SPON2: variants seen among roughly 807,000 people sequenced by gnomAD.
SPON2 encodes spondin-2.
Under a neutral mutation model 29.9 loss-of-function variants are expected in SPON2, and 32 were observed. The observed-to-expected ratio is 1.07, with a 90% confidence interval of 0.81 to 1.44. The LOEUF is 1.44. SPON2 is among the 40% of genes most tolerant of loss of function. SPON2 has a pLI of 0.00. For synonymous variants in SPON2, 248 were observed against 209.1 expected, an observed-to-expected ratio of 1.19 and a Z score of -1.61; for missense variants, 541 against 455.5, an observed-to-expected ratio of 1.19 and a Z score of -1.71.
At chr4:1,170,363 G>C in intron 5 of SPON2, 39 bp downstream of exon 5, 1 of 1,592,026 alleles carries the variant, frequency 6.3e-7, no homozygotes, top group Non-Finnish European at 8.5e-7. Context: ...GCAGGGTTCG[G>C]GGCTGCTGTG....
chr4:1,205,599 C>G (rs1728321731), intron 1 of SPON2, among the ~76,000 whole-genome samples: 1 of 152,222 alleles, frequency 6.6e-6, no homozygotes, highest in Non-Finnish European at 1.5e-5. Context: ...TCCCTGCCAG[C>G]CCAAGCATCC....
At chr4:1,170,263 ATCT>A (rs776891027) in intron 5 of SPON2, 136 bp downstream of exon 5, 49 of 807,126 alleles carry the variant, frequency 6.1e-5, no homozygotes, top group Non-Finnish European at 9.2e-5. Flanking sequence ...AGAATCCTAA[ATCT>A]TCTAGGCACC....
chr4:1,185,790 T>C (rs1727782039), intron 1 of SPON2, among the ~76,000 whole-genome samples: 1 of 150,932 alleles, frequency 6.6e-6, no homozygotes, highest in African/African-American at 2.4e-5. Flanking sequence ...GACCTAAATG[T>C]AATACCTAAA....
chr4:1,204,880 CCTTTT>C (rs1420329157), intron 1 of SPON2: 1 of 152,224 alleles, frequency 6.6e-6, no homozygotes, highest in African/African-American at 2.4e-5. Context: ...GGGAATGGTC[CCTTTT>C]CTTTCTTCAT....
chr4:1,168,769 G>A (rs1018135328), intron 5 of SPON2, among the ~76,000 whole-genome samples: 14 of 152,218 alleles, frequency 9.2e-5, no homozygotes, highest in Non-Finnish European at 1.5e-4. Flanking sequence ...CCCACCACAA[G>A]CCTCTCCAAT....
intron 1 of SPON2, chr4:1,205,160 C>G (rs1045123401): frequency 1.3e-5 from 2 of 152,514 alleles, no homozygotes; most frequent in African/African-American, 4.8e-5. Context: ...GCCCTCGCCA[C>G]GCCCTCCCCG....
exon 1 of SPON2, chr4:1,207,917 G>A (rs1013321728): frequency 1.3e-5 from 2 of 152,800 alleles, no homozygotes; most frequent in Non-Finnish European, 1.5e-5. Flanking sequence ...GAACACCCAC[G>A]CCCTGGCCGG....
chr4:1,171,525 A>G (rs1727449795), intron 2 of SPON2, 39 bp from the exon 3 acceptor site: 1 of 1,590,792 alleles, frequency 6.3e-7, no homozygotes, highest in African/African-American at 1.3e-5. Flanking sequence ...CCATGGTCAG[A>G]CACTGCGGTC....
intron 1 of SPON2, among the ~76,000 whole-genome samples, chr4:1,188,265 T>G (rs1727843462): frequency 7.2e-6 from 1 of 139,302 alleles, no homozygotes; most frequent in Non-Finnish European, 1.6e-5. Context: ...CTAGGAAATA[T>G]CTATTTAACA....
upstream of SPON2, chr4:1,172,691 C>G (rs1224061674): frequency 6.6e-6 from 1 of 152,368 alleles, no homozygotes; most frequent in Non-Finnish European, 1.5e-5. Context: ...TGGCCTCCAG[C>G]GAGAGGCAGA....
intron 1 of SPON2, among the ~76,000 whole-genome samples, chr4:1,187,678 A>G (rs1398242912): frequency 6.6e-6 from 1 of 152,172 alleles, no homozygotes; most frequent in Non-Finnish European, 1.5e-5. Context: ...TGTCAATGGT[A>G]TACAAAAACT....
intron 1 of SPON2, among the ~76,000 whole-genome samples, chr4:1,186,458 C>T (rs565882093): frequency 6.6e-5 from 10 of 152,150 alleles, no homozygotes; most frequent in Non-Finnish European, 8.8e-5. Flanking sequence ...CGCATGCTGC[C>T]GTGCCCGGCT....
chr4:1,188,228 A>AAATG (rs1405253161), intron 1 of SPON2, among the ~76,000 whole-genome samples: 1 of 149,884 alleles, frequency 6.7e-6, no homozygotes, highest in Non-Finnish European at 1.5e-5. Flanking sequence ...AAAAAAAAAG[A>AAATG]AATGACAAAT....
intron 1 of SPON2, among the ~76,000 whole-genome samples, chr4:1,187,215 C>G (rs199870205): frequency 1.3e-5 from 2 of 152,168 alleles, no homozygotes; most frequent in Non-Finnish European, 2.9e-5. Context: ...AGGACATATG[C>G]TATAATATGG....
Position 1,168,166 on chromosome 4 carries a change from A to C in SPON2, c.812-510T>G, listed in dbSNP as rs182236417. On this transcript the variant is annotated intron_variant, in intron 5 of 5. Transcript: ENST00000290902. ...TGGTTCCATAATTTTCATAAATTTA[A>C]AAATCATCATTTGGTGTTATGGTTA... 2.6e-5 allele frequency: 4 copies of C among 154,106 alleles called. No homozygotes were observed. The East Asian group carries it at 7.7e-4, about 29-fold the overall frequency. 9.5% of individuals were successfully genotyped at this position (154,106 alleles called of 1,614,324 possible).
intron 1 of SPON2, among the ~76,000 whole-genome samples, chr4:1,184,392 C>T (rs187480297): frequency 3.9e-5 from 6 of 152,192 alleles, no homozygotes; most frequent in Admixed American, 1.3e-4. Flanking sequence ...AATTCAAAGA[C>T]ACAAGTACAC....
intron 1 of SPON2, among the ~76,000 whole-genome samples, chr4:1,194,359 G>A (rs1727988596): frequency 6.6e-6 from 1 of 152,196 alleles, no homozygotes; most frequent in African/African-American, 2.4e-5. Context: ...GGCGGTTCAA[G>A]GAGCCGAGCC....
At chr4:1,201,651 C>T (rs1000437332) in intron 1 of SPON2, among the ~76,000 whole-genome samples, 12 of 151,912 alleles carry the variant, frequency 7.9e-5, no homozygotes, top group Non-Finnish European at 1.2e-4. Flanking sequence ...GGCGTGATCT[C>T]GGCTCACTGC....
rs1362652556 is a variant in SPON2, at chr4:1,202,109, AC to A, written c.-234+5770del. On this transcript the variant is annotated intron_variant, in intron 1 of 3. Coordinates refer to the SPON2 transcript ENST00000509233. This position sits in a 1 kb window ranked among gnomAD's most constrained non-coding sequence, Gnocchi z 5.4. ...TGCCTGTTAGCAACCGCTCCCCGCC[AC>A]GGTTTGAGTGAGGCCACAACAGAAC... 6.6e-6 allele frequency among the ~76,000 whole-genome samples: 1 copy of A among 152,166 alleles called. No individual in the cohort carries two copies. Among genetic ancestry groups the A allele is most frequent in the Non-Finnish European group, 1.5e-5 (1 of 68,016 alleles).
Sources: allele counts gnomAD v4.1 joint callset (sites outside exome capture counted in the v4.1 genomes callset), GRCh38; gene constraint gnomAD v4.1.1; non-coding constraint Gnocchi (gnomAD v3.1); transcripts MANE v1.5; gene names NCBI Gene and HGNC (gene_info 2026-07-23, HGNC 2026-07-21).